The following NKAIN3 variants were observed in gnomAD, a reference collection of about 807,000 sequenced individuals.
The protein encoded by NKAIN3 is sodium/potassium-transporting ATPase subunit beta-1-interacting protein 3.
A neutral mutation model predicts 30.2 loss-of-function variants in NKAIN3; 25 were observed. That is an observed-to-expected ratio of 0.83 (90% CI 0.60 to 1.16). The LOEUF is 1.16. Ranked by LOEUF, NKAIN3 falls within the 50% of genes most tolerant of loss-of-function variation. NKAIN3 has a pLI of 0.00. For synonymous variants in NKAIN3, 91 were observed against 89.6 expected (o/e 1.02, Z -0.09); for missense variants, 225 against 254.1 (o/e 0.89, Z 0.78).
At chr8:62,589,875 T>TTGTG (rs35791396) in intron 3 of NKAIN3, 81 bp downstream of exon 3, 27,290 of 425,152 alleles carry the variant, frequency 0.064, 582 homozygotes, top group African/African-American at 0.092. Flanking sequence ...TATAGGTATA[T>TTGTG]TGTGTGTGTG....
chr8:62,869,417 C>T (rs552438891), intron 4 of NKAIN3, among the ~76,000 whole-genome samples: 29 of 152,268 alleles, frequency 1.9e-4, no homozygotes, highest in African/African-American at 6.5e-4. Context: ...TGAGTGAGAA[C>T]ATGCGGTGTT....
chr8:62,716,916 C>G (rs1814922282), intron 3 of NKAIN3, among the ~76,000 whole-genome samples: 1 of 152,040 alleles, frequency 6.6e-6, no homozygotes, highest in Non-Finnish European at 1.5e-5. Flanking sequence ...GGCAACATAG[C>G]AAGACCCTGT....
intron 4 of NKAIN3, among the ~76,000 whole-genome samples, chr8:62,843,710 T>C (rs1819594915): frequency 6.6e-6 from 1 of 152,070 alleles, no homozygotes; most frequent in Non-Finnish European, 1.5e-5. Context: ...GGTAATAAAT[T>C]TGTGCTTTTT....
intron 1 of NKAIN3, among the ~76,000 whole-genome samples, chr8:62,264,666 C>G (rs1385135935): frequency 3.3e-5 from 5 of 152,134 alleles, no homozygotes; most frequent in Non-Finnish European, 5.9e-5. Flanking sequence ...TGCTTATGCT[C>G]TATGTCAAGC....
intron 1 of NKAIN3, among the ~76,000 whole-genome samples, chr8:62,486,417 A>G (rs918209712): frequency 2.0e-5 from 3 of 152,158 alleles, no homozygotes; most frequent in Non-Finnish European, 4.4e-5. Flanking sequence ...TTCAAAAAAA[A>G]AATGTCTTTG....
At chr8:62,817,018 G>A (rs1259121029) in intron 4 of NKAIN3, among the ~76,000 whole-genome samples, 11 of 152,064 alleles carry the variant, frequency 7.2e-5, no homozygotes, top group African/African-American at 1.7e-4. Flanking sequence ...CTCACAATGG[G>A]GAGCCTCTTT....
intron 5 of NKAIN3, among the ~76,000 whole-genome samples, chr8:62,950,880 A>C (rs951870176): frequency 6.6e-6 from 1 of 150,666 alleles, no homozygotes. Context: ...CACGTAGACA[A>C]CTCTTTCCAT....
At chr8:62,292,179 G>A (rs1340614012) in intron 1 of NKAIN3, among the ~76,000 whole-genome samples, 1 of 149,454 alleles carries the variant, frequency 6.7e-6, no homozygotes, top group Non-Finnish European at 1.5e-5. Context: ...GATGGGTCTT[G>A]ACTCTATCCA....
intron 3 of NKAIN3, among the ~76,000 whole-genome samples, chr8:62,597,057 G>T (rs547163125): frequency 6.6e-6 from 1 of 152,072 alleles, no homozygotes; most frequent in African/African-American, 2.4e-5. Context: ...CTGATACTAA[G>T]ACTGCTACTG....
intron 3 of NKAIN3, among the ~76,000 whole-genome samples, chr8:62,623,998 G>T (rs1381012198): frequency 6.6e-6 from 1 of 152,054 alleles, no homozygotes; most frequent in Non-Finnish European, 1.5e-5. Flanking sequence ...AGAACTGAAG[G>T]TTCCTCCCCT....
chr8:62,443,786 A>G (rs1805403132), intron 1 of NKAIN3, among the ~76,000 whole-genome samples: 5 of 151,864 alleles, frequency 3.3e-5, no homozygotes, highest in Admixed American at 3.3e-4. Flanking sequence ...TTTTTTCTGC[A>G]TCTTTTTGCC....
At chr8:62,498,747 A>G (rs1006847461) in intron 1 of NKAIN3, among the ~76,000 whole-genome samples, 2 of 150,190 alleles carry the variant, frequency 1.3e-5, no homozygotes, top group Admixed American at 6.7e-5. Context: ...CTGTATTGCT[A>G]TATAGTAGGA....
intron 1 of NKAIN3, among the ~76,000 whole-genome samples, chr8:62,347,694 G>GA (rs750576223): frequency 3.3e-5 from 5 of 151,846 alleles, no homozygotes; most frequent in Non-Finnish European, 5.9e-5. Context: ...ATGATTTTTT[G>GA]AAAAAATGTT....
intron 4 of NKAIN3, among the ~76,000 whole-genome samples, chr8:62,872,821 G>T (rs749143302): frequency 6.6e-6 from 1 of 152,078 alleles, no homozygotes; most frequent in Non-Finnish European, 1.5e-5. Flanking sequence ...AATGCTGAGG[G>T]ATTTCATTAC....
At chr8:62,550,734 A>G (rs1809178001) in intron 1 of NKAIN3, among the ~76,000 whole-genome samples, 1 of 152,220 alleles carries the variant, frequency 6.6e-6, no homozygotes, top group Admixed American at 6.5e-5. Context: ...AATTTTAAGG[A>G]ATTTTATAGA....
intron 4 of NKAIN3, among the ~76,000 whole-genome samples, chr8:62,853,069 T>A (rs1287445660): frequency 6.6e-6 from 1 of 152,148 alleles, no homozygotes; most frequent in Admixed American, 6.5e-5. Flanking sequence ...AAGTCTCCCA[T>A]TATTATTGTA....
chr8:62,678,786 T>C (rs1307157590), intron 3 of NKAIN3, among the ~76,000 whole-genome samples: 1 of 151,982 alleles, frequency 6.6e-6, no homozygotes, highest in Non-Finnish European at 1.5e-5. Context: ...ATATAAATTT[T>C]TTTCTATTAA....
chr8:62,589,178 T>G (rs1017997368), intron 2 of NKAIN3, among the ~76,000 whole-genome samples: 23 of 151,852 alleles, frequency 1.5e-4, no homozygotes, highest in African/African-American at 5.6e-4. Flanking sequence ...TTAAAATATT[T>G]TATATGGTTA....
intron 1 of NKAIN3, among the ~76,000 whole-genome samples, chr8:62,420,368 T>C (rs1485909810): frequency 6.6e-6 from 1 of 152,186 alleles, no homozygotes; most frequent in Non-Finnish European, 1.5e-5. Flanking sequence ...TGATTCCAAT[T>C]ACATAGTCAA....
Sources: allele counts gnomAD v4.1 joint callset (sites outside exome capture counted in the v4.1 genomes callset), GRCh38; gene constraint gnomAD v4.1.1; transcripts MANE v1.5; gene names NCBI Gene and HGNC (gene_info 2026-07-23, HGNC 2026-07-21).